The following ARFGAP3 variants were observed in gnomAD, a reference collection of about 807,000 sequenced individuals.
ARFGAP3 encodes the protein ADP-ribosylation factor GTPase-activating protein 3.
In ARFGAP3, 72 loss-of-function variants were observed where a neutral mutation model predicts 75.0. The observed-to-expected ratio is 0.96, with a 90% CI of 0.79 to 1.17. The LOEUF (loss-of-function observed/expected upper bound fraction) is 1.17, where lower values mean the gene tolerates loss of function less well. ARFGAP3 is among the 50% of genes most tolerant of loss of function. The pLI is 0.00. For missense variants in ARFGAP3, 620 were observed against 626.6 expected (o/e 0.99, Z 0.11); for synonymous variants, 221 against 217.9 (o/e 1.01, Z -0.13).
chr22:42,822,680 G>A (rs768656089), intron 8 of ARFGAP3, among the ~76,000 whole-genome samples: 1 of 152,148 alleles, frequency 6.6e-6, no homozygotes, highest in Non-Finnish European at 1.5e-5. Flanking sequence ...TAACCCACGT[G>A]TAGCCTCCAG....
In ARFGAP3 at chr22:42,834,631, G is replaced by C. The variant is rs114976377; in HGVS notation, c.394-306C>G. Reference sequence around the variant, plus strand: ...ATGATAATCAATCCTTGTTATTCATGGATTCCATATTTATGAATCTACCTA... The same window carrying C: ...ATGATAATCAATCCTTGTTATTCATCGATTCCATATTTATGAATCTACCTA... On this transcript the variant is annotated intron_variant, in intron 4 of 15. Transcript: ENST00000263245. Among the ~76,000 whole-genome samples the C allele has an allele frequency of 3.4e-3, 513 of 152,268 alleles. 5 individuals are homozygous for C. The highest frequency in any genetic ancestry group is 0.012 in the African/African-American group (494 of 41,550).
At chr22:42,835,329 C>G in intron 4 of ARFGAP3, 33 bp downstream of exon 4, 1 of 1,607,532 alleles carries the variant, frequency 6.2e-7, no homozygotes, top group Non-Finnish European at 8.5e-7. Flanking sequence ...GAACATGTAT[C>G]TAAAGGAAAC....
At chr22:42,856,909 C>A (rs1291259952) in intron 1 of ARFGAP3, among the ~76,000 whole-genome samples, 10 of 150,686 alleles carry the variant, frequency 6.6e-5, no homozygotes, top group Admixed American at 2.6e-4. Flanking sequence ...GCGTGAGGAC[C>A]CCCGCGCTGC....
chr22:42,828,011 G>C (rs1041350996), intron 6 of ARFGAP3, among the ~76,000 whole-genome samples: 1 of 152,232 alleles, frequency 6.6e-6, no homozygotes, highest in South Asian at 2.1e-4. Context: ...GGCTGGGCTT[G>C]TGGTGGCTTA....
chr22:42,831,071 G>A (rs1374072031), intron 6 of ARFGAP3, among the ~76,000 whole-genome samples: 8 of 151,974 alleles, frequency 5.3e-5, no homozygotes, highest in South Asian at 2.1e-4. Flanking sequence ...AGGCCAAGGC[G>A]GGTGGATCAC....
chr22:42,810,671 G>A (rs996945294), intron 12 of ARFGAP3, 142 bp downstream of exon 12: 9 of 709,376 alleles, frequency 1.3e-5, no homozygotes, highest in Admixed American at 1.2e-4. Context: ...CTTTGACCTC[G>A]GCCTCTTAAA....
At chr22:42,848,652 T>C (rs2146586570) in intron 1 of ARFGAP3, among the ~76,000 whole-genome samples, 1 of 152,302 alleles carries the variant, frequency 6.6e-6, no homozygotes. Context: ...GAAGCAGCCC[T>C]GCCTAGAAAC....
At chr22:42,812,055 C>T (rs1232498533) in intron 11 of ARFGAP3, among the ~76,000 whole-genome samples, 2 of 151,628 alleles carry the variant, frequency 1.3e-5, no homozygotes, top group East Asian at 1.9e-4. Context: ...ATAAAATAAC[C>T]GTTTCCTGAC....
intron 12 of ARFGAP3, 144 bp from the exon 13 acceptor site, chr22:42,809,034 A>G: frequency 9.9e-7 from 1 of 1,014,726 alleles, no homozygotes; most frequent in Non-Finnish European, 1.3e-6. Flanking sequence ...GAAAATTCTA[A>G]TTAAAAAAAA....
At chr22:42,838,290 A>ATTTTTTTTTT (rs1555899058) in intron 3 of ARFGAP3, among the ~76,000 whole-genome samples, 1 of 137,184 alleles carries the variant, frequency 7.3e-6, no homozygotes. Context: ...ATATATATAT[A>ATTTTTTTTTT]TTTTTTTTTT....
At chr22:42,820,579 C>T (rs748405439) in intron 9 of ARFGAP3, among the ~76,000 whole-genome samples, 1 of 152,142 alleles carries the variant, frequency 6.6e-6, no homozygotes, top group Non-Finnish European at 1.5e-5. Flanking sequence ...CTTAAAACCA[C>T]CTCATAAAAT....
intron 14 of ARFGAP3, among the ~76,000 whole-genome samples, chr22:42,802,130 G>A (rs1166718066): frequency 2.6e-5 from 4 of 152,002 alleles, no homozygotes; most frequent in Non-Finnish European, 5.9e-5. Flanking sequence ...GGAGAGGGGT[G>A]AGCAGCAGCC....
At chr22:42,801,469 G>A (rs1430287468) in intron 14 of ARFGAP3, among the ~76,000 whole-genome samples, 2 of 152,184 alleles carry the variant, frequency 1.3e-5, no homozygotes, top group African/African-American at 2.4e-5. Context: ...AGTCACTTGC[G>A]GTCCAAGCCC....
In ARFGAP3 at chr22:42,844,546, T is replaced by C. The variant is rs1476283623; in HGVS notation, c.188+2968A>G. On this transcript the variant is annotated intron_variant, in intron 2 of 15. Transcript: ENST00000263245. Reference sequence around the variant, plus strand: ...GTTGCAGTGAGCTGAGATCATGCCATTGCACTCCAGCCGAGGGGATAGAGT... The same window carrying C: ...GTTGCAGTGAGCTGAGATCATGCCACTGCACTCCAGCCGAGGGGATAGAGT... Among the ~76,000 whole-genome samples the C allele has an allele frequency of 3.3e-5, 5 of 150,580 alleles. 1 individual carries two copies. The highest frequency in any genetic ancestry group is 2.4e-5 in the African/African-American group (1 of 40,898).
chr22:42,814,394 T>A (rs1925492098), intron 11 of ARFGAP3, among the ~76,000 whole-genome samples: 1 of 152,224 alleles, frequency 6.6e-6, no homozygotes, highest in Non-Finnish European at 1.5e-5. Context: ...AAGGCATTTA[T>A]GTTCCTATTA....
chr22:42,838,019 T>C (rs2146569799), intron 3 of ARFGAP3, among the ~76,000 whole-genome samples: 1 of 150,654 alleles, frequency 6.6e-6, no homozygotes, highest in Middle Eastern at 3.4e-3. Flanking sequence ...TCTTGAAAAG[T>C]GAAAAAAAAA....
At chr22:42,824,377 G>A (rs1207363651) in intron 7 of ARFGAP3, among the ~76,000 whole-genome samples, 1 of 151,778 alleles carries the variant, frequency 6.6e-6, no homozygotes, top group Admixed American at 6.6e-5. Context: ...CAATTTTTTA[G>A]AGATGGTCTC....
chr22:42,845,382 G>C (rs1274851135), intron 2 of ARFGAP3, among the ~76,000 whole-genome samples: 2 of 152,074 alleles, frequency 1.3e-5, no homozygotes, highest in Non-Finnish European at 2.9e-5. Context: ...AAACTTAGAT[G>C]GACGTGGTGG....
intron 10 of ARFGAP3, 39 bp downstream of exon 10, chr22:42,817,690 T>A (rs779320658): frequency 1.3e-6 from 2 of 1,501,564 alleles, no homozygotes; most frequent in Non-Finnish European, 1.8e-6. Context: ...ATTGACACAC[T>A]GTTTTAAATT....
Sources: gnomAD v4.1 joint callset for allele counts (sites outside exome capture counted in the v4.1 genomes callset) on GRCh38, gnomAD v4.1.1 for gene constraint, MANE v1.5 for transcripts, NCBI Gene and HGNC (gene_info 2026-07-23, HGNC 2026-07-21) for gene names.